The following GZMM variants were observed in gnomAD, a reference collection of about 807,000 sequenced individuals.
The protein encoded by GZMM is HU-Met-1.
In GZMM, 23 loss-of-function variants were observed where a neutral mutation model predicts 19.2. That is an observed-to-expected ratio of 1.20 (90% CI 0.86 to 1.69). The LOEUF is 1.69. GZMM is among the 40% of genes most tolerant of loss of function. The pLI, the probability that GZMM is intolerant of heterozygous loss-of-function variation, is 0.00. For missense variants in GZMM, 373 were observed against 352.2 expected (o/e 1.06, Z -0.47); for synonymous variants, 178 against 160.2 (o/e 1.11, Z -0.84).
At chr19:548,882 C>T in intron 3 of GZMM, 40 bp from the exon 4 acceptor site, 1 of 1,422,614 alleles carries the variant, frequency 7.0e-7, no homozygotes, top group Non-Finnish European at 9.4e-7. Flanking sequence ...GCACTCTCAC[C>T]CCCTCCCCCT....
In GZMM at chr19:548,956, G is replaced by A. The variant is rs777205696; in HGVS notation, c.383G>A (p.Arg128Gln). Residue 128 changes from arginine to glutamine, a missense_variant, in exon 4 of 5, where the codon CGG becomes CAG. Physicochemically the swap from Arg to Gln is conservative, Grantham distance 43 (BLOSUM62 1). Transcript: ENST00000264553. ...AAAGTGAAGCCCAGCCGGACCATCC[G>A]GCCGTTGGCCCTGCCCAGTAAGCGC... ...DGKVKPSRTI[R>Q]PLALPSKRQV... The A allele has an allele frequency of 2.0e-5, 32 of 1,581,780 alleles. No homozygotes were observed. The highest frequency in any genetic ancestry group is 4.0e-4 in the Middle Eastern group (2 of 5,028).
chr19:549,854 G>T lies in GZMM; in HGVS notation c.*63G>T, dbSNP rs906622519. 8.9e-7 allele frequency: 1 copy of T among 1,127,958 alleles called. No individual in the cohort carries two copies. The highest frequency in any genetic ancestry group is 1.3e-6 in the Non-Finnish European group (1 of 769,110). 69.9% of individuals were successfully genotyped at this position (1,127,958 alleles called of 1,614,324 possible). A position where few individuals can be genotyped will look rare whatever the true frequency, so the allele number is the denominator to read the frequency against. ...AGGACCCTTCCCCTCCAGGGGTGCA[G>T]TGGGGTGGGTGAGGACGGGTGGGAG... On this transcript the variant is annotated 3_prime_UTR_variant, in exon 5 of 5. Transcript: ENST00000264553.
intron 2 of GZMM, among the ~76,000 whole-genome samples, chr19:547,969 G>T (rs550286311): frequency 3.0e-4 from 45 of 152,284 alleles, no homozygotes; most frequent in African/African-American, 9.9e-4. Context: ...GTAACAAAAA[G>T]GGATCTGCCG....
Position 547,412 on chromosome 19 carries a change from C to T in GZMM, c.188C>T (p.Thr63Met), listed in dbSNP as rs374939287. The change falls in exon 2 of 5, where the codon ACG becomes ATG. Residue 63 changes from threonine (T) to methionine (M), a missense_variant. By Grantham distance (81) the Thr-to-Met change is moderately conservative (BLOSUM62 -1). Coordinates refer to ENST00000264553, the MANE Select transcript of GZMM (RefSeq NM_005317.4). ...CTGGTGCACCCAAAGTGGGTGCTGA[C>T]GGCTGCCCACTGCCTGGCCCAGCGG... ...GVLVHPKWVL[T>M]AAHCLAQRMA... The T allele has an allele frequency of 1.2e-5, 18 of 1,488,074 alleles. No homozygotes were observed. Among genetic ancestry groups the T allele is most frequent in the East Asian group, 5.3e-5 (2 of 37,846 alleles). The allele number at this position is 1,488,074 out of a possible 1,614,324, so 92.2% of individuals were successfully genotyped here.
intron 4 of GZMM, 102 bp downstream of exon 4, chr19:549,287 T>A: frequency 8.6e-7 from 1 of 1,164,102 alleles, no homozygotes; most frequent in Admixed American, 2.7e-5. Flanking sequence ...CTCTGGGGAG[T>A]CCTGTCAGGG....
chr19:547,560 C>T (rs1034717815), intron 2 of GZMM, 124 bp downstream of exon 2: 13 of 725,390 alleles, frequency 1.8e-5, no homozygotes, highest in African/African-American at 3.7e-5. Context: ...CTCCCGGTGA[C>T]GACTTAGGCA....
intron 1 of GZMM, among the ~76,000 whole-genome samples, 181 bp downstream of exon 1, chr19:544,307 A>T (rs1980173704): frequency 6.6e-6 from 1 of 152,116 alleles, no homozygotes; most frequent in African/African-American, 2.4e-5. Context: ...CCGAGTGGAC[A>T]TCCCGGGACC....
At chr19:548,747 CGCCCTCCCCCCGCT>C in intron 3 of GZMM, 70 bp downstream of exon 3, 1 of 1,353,288 alleles carries the variant, frequency 7.4e-7, no homozygotes, top group Non-Finnish European at 1.0e-6. Context: ...ACCCCCACTG[CGCCCTCCCCCCGCT>C]GCCGACCCTC....
In GZMM at chr19:546,914, C is replaced by G. The variant is rs999173866; in HGVS notation, c.56-366C>G. On this transcript the variant is annotated intron_variant, in intron 1 of 4. Coordinates refer to ENST00000264553, the MANE Select transcript of GZMM (RefSeq NM_005317.4). Reference sequence around the variant, plus strand: ...GCCCAGGCTGGTCTCGAACTCCTGGCCTCAAGTGATCCTCCCTCCTCAGCC... The same window carrying G: ...GCCCAGGCTGGTCTCGAACTCCTGGGCTCAAGTGATCCTCCCTCCTCAGCC... Among the ~76,000 whole-genome samples, 11 of 151,984 alleles carry G rather than the reference C, an allele frequency of 7.2e-5. No individual in the cohort carries two copies. In the South Asian group the frequency reaches 1.2e-3, roughly 17 times the overall value.
In GZMM at chr19:549,838, C is replaced by T. The variant is rs1186345398; in HGVS notation, c.*47C>T. ...CCCTCGCTGTCTCCACAGGACCCTT[C>T]CCCTCCAGGGGTGCAGTGGGGTGGG... On this transcript the variant is annotated 3_prime_UTR_variant, in exon 5 of 5. Coordinates refer to ENST00000264553, the MANE Select transcript of GZMM (RefSeq NM_005317.4). 1 of 1,483,082 alleles carries T rather than the reference C, an allele frequency of 6.7e-7. No homozygotes were observed. The highest frequency in any genetic ancestry group is 9.3e-7 in the Non-Finnish European group (1 of 1,075,808). 91.9% of individuals were successfully genotyped at this position (1,483,082 alleles called of 1,614,324 possible).
At chr19:544,635 G>C (rs1166915072) in intron 1 of GZMM, among the ~76,000 whole-genome samples, 1 of 152,022 alleles carries the variant, frequency 6.6e-6, no homozygotes, top group Non-Finnish European at 1.5e-5. Flanking sequence ...GATGGACAGA[G>C]GTAGGAATCC....
intron 1 of GZMM, among the ~76,000 whole-genome samples, chr19:545,596 C>T (rs1980247594): frequency 6.6e-6 from 1 of 152,078 alleles, no homozygotes. Flanking sequence ...ATCCGCCTGC[C>T]TCGGCCTCCC....
At position 548,908 on chromosome 19, in the gene GZMM, C is replaced by T; in HGVS notation, c.349-14C>T. ...CCCTCCCCCTGCTCACCTGCCCCTT[C>T]CTGTCACTCGTAGCTGGACGGGAAA... On this transcript the variant is annotated splice_polypyrimidine_tract_variant and intron_variant, in intron 3 of 4. Transcript: ENST00000264553. The T allele has an allele frequency of 6.6e-7, 1 of 1,516,026 alleles. No individual in the cohort carries two copies. Among genetic ancestry groups the T allele is most frequent in the Non-Finnish European group, 8.9e-7 (1 of 1,124,108 alleles). The allele number at this position is 1,516,026 out of a possible 1,614,324, so 93.9% of individuals were successfully genotyped here.
At chr19:549,380 A>G (rs908103102) in intron 4 of GZMM, among the ~76,000 whole-genome samples, 195 bp downstream of exon 4, 3 of 152,206 alleles carry the variant, frequency 2.0e-5, no homozygotes, top group Non-Finnish European at 2.9e-5. Context: ...CAACCTGCGC[A>G]AGACCACACA....
Position 547,423 on chromosome 19 carries a change from T to C in GZMM, c.199T>C (p.Cys67Arg). The change falls in exon 2 of 5, where the codon TGC (cysteine) becomes CGC (arginine). Residue 67 changes from cysteine to arginine, a missense_variant. Coordinates refer to ENST00000264553, the MANE Select transcript of GZMM (RefSeq NM_005317.4). ...HPKWVLTAAH[C>R]LAQRMAQLRL... Reference sequence around the variant, plus strand: ...AAAGTGGGTGCTGACGGCTGCCCACTGCCTGGCCCAGCGGTGAGTACCCTG... The same window carrying C: ...AAAGTGGGTGCTGACGGCTGCCCACCGCCTGGCCCAGCGGTGAGTACCCTG... The C allele has an allele frequency of 6.8e-7, 1 of 1,476,944 alleles. No individual in the cohort carries two copies. Among genetic ancestry groups the C allele is most frequent in the Non-Finnish European group, 9.0e-7 (1 of 1,112,390 alleles). 91.5% of individuals were successfully genotyped at this position (1,476,944 alleles called of 1,614,324 possible). A position where few individuals can be genotyped will look rare whatever the true frequency, so the allele number is the denominator to read the frequency against.
At chr19:545,799 T>G (rs4919845) in intron 1 of GZMM, among the ~76,000 whole-genome samples, 2 of 151,704 alleles carry the variant, frequency 1.3e-5, no homozygotes, top group African/African-American at 2.4e-5. Flanking sequence ...GCCCGCCACC[T>G]CGCCCGGCTA....
rs775430132 is a variant in GZMM at position 549,056 on chromosome 19, G to C, written c.483G>C (p.Arg161=). 1.3e-6 allele frequency: 2 copies of C among 1,594,334 alleles called. No homozygotes were observed. The highest frequency in any genetic ancestry group is 1.7e-6 in the Non-Finnish European group (2 of 1,172,108). ...GLTHQGGRLS[R]VLRELDLQVL... ...CCCACCAGGGCGGGCGCCTGTCCCG[G>C]GTGCTGCGGGAGCTGGACCTCCAAG... Residue 161 remains arginine, a synonymous_variant, in exon 4 of 5, where the codon CGG becomes CGC. Coordinates refer to ENST00000264553, the MANE Select transcript of GZMM (RefSeq NM_005317.4).
chr19:546,484 T>G (rs1310422675), intron 1 of GZMM, among the ~76,000 whole-genome samples: 2 of 143,532 alleles, frequency 1.4e-5, no homozygotes, highest in African/African-American at 5.2e-5. Context: ...GAGGTTGCAG[T>G]GAGCTGAGAT....
At position 548,959 on chromosome 19, in the gene GZMM, C is replaced by T. The variant is rs139221174; in HGVS notation, c.386C>T (p.Pro129Leu). ...GKVKPSRTIR[P>L]LALPSKRQVV... ...GTGAAGCCCAGCCGGACCATCCGGC[C>T]GTTGGCCCTGCCCAGTAAGCGCCAG... The change falls in exon 4 of 5, where the codon CCG becomes CTG. Residue 129 changes from proline to leucine, a missense_variant. By Grantham distance (98) the Pro-to-Leu change is moderately conservative. Transcript: ENST00000264553. 457 of 1,596,694 alleles carry T rather than the reference C, an allele frequency of 2.9e-4. 2 individuals carry two copies. Among genetic ancestry groups the T allele is most frequent in the Middle Eastern group, 1.4e-3 (7 of 5,170 alleles).
Sources: allele counts gnomAD v4.1 joint callset (sites outside exome capture counted in the v4.1 genomes callset), GRCh38; gene constraint gnomAD v4.1.1; transcripts MANE v1.5; gene names NCBI Gene and HGNC (gene_info 2026-07-23, HGNC 2026-07-21).